CNTN4: variants seen among roughly 807,000 people sequenced by gnomAD.
CNTN4 encodes contactin-4.
In CNTN4, 77 loss-of-function variants were observed where a neutral mutation model predicts 122.5. The ratio of observed to expected loss-of-function variants is 0.63; its 90% confidence interval spans 0.52 to 0.76. CNTN4 has a LOEUF of 0.76. Ranked by LOEUF, CNTN4 falls within the 30% of genes least tolerant of loss-of-function variation. CNTN4 has a pLI of 0.00. For missense variants in CNTN4, 1,256 were observed against 1,259.1 expected (o/e 1.00, Z 0.04); for synonymous variants, 512 against 447.0 (o/e 1.15, Z -1.83).
At chr3:2,530,139 G>C (rs941079961) in intron 3 of CNTN4, among the ~76,000 whole-genome samples, 2 of 152,052 alleles carry the variant, frequency 1.3e-5, no homozygotes, top group African/African-American at 4.8e-5. Context: ...AGCAGTAGGA[G>C]CTTTTCTTTC....
At chr3:2,530,740 T>C (rs2077568630) in intron 3 of CNTN4, among the ~76,000 whole-genome samples, 1 of 152,184 alleles carries the variant, frequency 6.6e-6, no homozygotes, top group South Asian at 2.1e-4. Flanking sequence ...AACACTTATG[T>C]AGCCAGATTT....
At chr3:2,434,466 A>G (rs2048190477) in intron 3 of CNTN4, among the ~76,000 whole-genome samples, 1 of 152,226 alleles carries the variant, frequency 6.6e-6, no homozygotes, top group Non-Finnish European at 1.5e-5. Flanking sequence ...TAAATGGAGA[A>G]GCATAGCTTC....
chr3:2,112,613 A>G (rs368080546), intron 2 of CNTN4, among the ~76,000 whole-genome samples: 2 of 152,142 alleles, frequency 1.3e-5, no homozygotes, highest in African/African-American at 2.4e-5. Flanking sequence ...TTTACTACCT[A>G]TTGTATGGGA....
Position 2,354,814 on chromosome 3 carries a change from C to G in CNTN4, c.-89+15581C>G, listed in dbSNP as rs76779749. Among the ~76,000 whole-genome samples the G allele has an allele frequency of 6.9e-4, 105 of 152,290 alleles. 1 individual carries two copies. Among genetic ancestry groups the G allele is most frequent in the African/African-American group, 2.2e-3 (93 of 41,546 alleles). On this transcript the variant is annotated intron_variant, in intron 3 of 24. Transcript: ENST00000418658. Reference sequence around the variant, plus strand: ...CTCCCTGCCACCTACTCTTCCTTATCAAACAGCCAGGAGTTCTAAGTGAGG... The same window carrying G: ...CTCCCTGCCACCTACTCTTCCTTATGAAACAGCCAGGAGTTCTAAGTGAGG...
intron 2 of CNTN4, among the ~76,000 whole-genome samples, chr3:2,127,290 A>C (rs1574891959): frequency 6.6e-6 from 1 of 152,154 alleles, no homozygotes; most frequent in East Asian, 1.9e-4. Context: ...AGTCCATCAG[A>C]GAACTTTCAG....
At chr3:2,851,061 T>C (rs2093541657) in intron 7 of CNTN4, among the ~76,000 whole-genome samples, 1 of 152,198 alleles carries the variant, frequency 6.6e-6, no homozygotes, top group Admixed American at 6.5e-5. Flanking sequence ...CGAAGGTGGG[T>C]ACAATGTATT....
intron 2 of CNTN4, among the ~76,000 whole-genome samples, chr3:2,272,007 T>C (rs1425835425): frequency 6.6e-6 from 1 of 152,162 alleles, no homozygotes; most frequent in Non-Finnish European, 1.5e-5. Flanking sequence ...AAAAACAGGT[T>C]AGCAGGTTGT....
chr3:2,651,254 A>T (rs908733619), intron 4 of CNTN4, among the ~76,000 whole-genome samples: 18 of 152,040 alleles, frequency 1.2e-4, no homozygotes, highest in Non-Finnish European at 2.5e-4. Context: ...CAGTGAAGGG[A>T]CAAGCAGGGT....
chr3:2,665,022 A>T (rs1387501075), intron 4 of CNTN4, among the ~76,000 whole-genome samples: 1 of 152,162 alleles, frequency 6.6e-6, no homozygotes, highest in African/African-American at 2.4e-5. Flanking sequence ...TCACTCTAAC[A>T]TCAAAACAAG....
intron 8 of CNTN4, among the ~76,000 whole-genome samples, chr3:2,881,996 G>A (rs1475779972): frequency 6.6e-6 from 1 of 152,202 alleles, no homozygotes; most frequent in East Asian, 1.9e-4. Context: ...AAACTGATCA[G>A]AGATGGAATA....
At position 2,709,146 on chromosome 3, in the gene CNTN4, G is replaced by A. The variant is rs1559413972; in HGVS notation, c.56-27069G>A. ...CGTTACAAATGAAGCCTTACCATTT[G>A]ATGAAAATCCAGCAAAAATGCATAT... On this transcript the variant is annotated intron_variant, in intron 4 of 24. Coordinates refer to ENST00000418658, the MANE Select transcript of CNTN4 (RefSeq NM_175607.3). This position sits in a 1 kb window ranked among gnomAD's most constrained non-coding sequence, Gnocchi z 5.0. Among the ~76,000 whole-genome samples, 1 of 152,076 alleles carries A rather than the reference G, an allele frequency of 6.6e-6. No individual in the cohort carries two copies. Among genetic ancestry groups the A allele is most frequent in the Non-Finnish European group, 1.5e-5 (1 of 68,016 alleles).
At chr3:2,859,422 A>G (rs1051226294) in intron 7 of CNTN4, among the ~76,000 whole-genome samples, 17 of 152,276 alleles carry the variant, frequency 1.1e-4, no homozygotes, top group African/African-American at 3.6e-4. Context: ...TCAGTTTCAT[A>G]ATATAGGGAA....
chr3:2,213,209 G>C (rs995600122), intron 2 of CNTN4, among the ~76,000 whole-genome samples: 1 of 152,154 alleles, frequency 6.6e-6, no homozygotes, highest in Admixed American at 6.5e-5. Context: ...TGAGGAAGTT[G>C]AGGCCAGAGA....
chr3:2,463,372 A>C (rs1427788176), intron 3 of CNTN4, among the ~76,000 whole-genome samples: 1 of 152,228 alleles, frequency 6.6e-6, no homozygotes, highest in African/African-American at 2.4e-5. Context: ...ATATTATCAA[A>C]GTTAAATGGA....
chr3:2,501,864 A>G (rs183736890), intron 3 of CNTN4, among the ~76,000 whole-genome samples: 1 of 152,100 alleles, frequency 6.6e-6, no homozygotes, highest in Admixed American at 6.5e-5. Context: ...TTAAGCAACC[A>G]CGCATTGTCC....
intron 2 of CNTN4, among the ~76,000 whole-genome samples, chr3:2,209,395 G>C (rs1175699803): frequency 6.6e-6 from 1 of 152,132 alleles, no homozygotes; most frequent in African/African-American, 2.4e-5. Context: ...TGATCAAGTA[G>C]CTATCCTCTC....
intron 2 of CNTN4, among the ~76,000 whole-genome samples, chr3:2,259,365 C>T (rs1476787348): frequency 6.6e-6 from 1 of 152,130 alleles, no homozygotes; most frequent in South Asian, 2.1e-4. Context: ...TTTAGTTATT[C>T]TCATGTTACA....
chr3:2,688,098 C>G (rs915246212), intron 4 of CNTN4, among the ~76,000 whole-genome samples: 1 of 152,126 alleles, frequency 6.6e-6, no homozygotes, highest in African/African-American at 2.4e-5. Flanking sequence ...AAATAAAAAT[C>G]TGTAACTACT....
rs140272411 is a variant in CNTN4, at chr3:2,369,593, T to C, written c.-89+30360T>C. ...ATAGGATGCCCCCCATCACACATAA[T>C]GGCTTTATCATCAGGATTTGAGCCC... On this transcript the variant is annotated intron_variant, in intron 3 of 24. Coordinates refer to ENST00000418658, the MANE Select transcript of CNTN4 (RefSeq NM_175607.3). Among the ~76,000 whole-genome samples the C allele has an allele frequency of 6.0e-4, 92 of 152,244 alleles. No homozygotes were observed. In the Middle Eastern group the frequency reaches 0.014, roughly 23 times the overall value.
Sources: gnomAD v4.1 joint callset for allele counts (sites outside exome capture counted in the v4.1 genomes callset) on GRCh38, gnomAD v4.1.1 for gene constraint, Gnocchi (gnomAD v3.1) non-coding constraint, MANE v1.5 for transcripts, NCBI Gene and HGNC (gene_info 2026-07-23, HGNC 2026-07-21) for gene names.